Variants in ACVR1 observed in about 807,000 individuals in gnomAD.
The protein encoded by ACVR1 is activin A receptor type 1, also known as activin receptor type-1.
ACVR1 carries 38 observed loss-of-function variants against 57.1 expected under a neutral mutation model. The ratio of observed to expected loss-of-function variants is 0.67; its 90% confidence interval spans 0.51 to 0.87. The LOEUF (loss-of-function observed/expected upper bound fraction) is 0.87. Ranked by LOEUF, ACVR1 falls within the 40% of genes least tolerant of loss-of-function variation. The pLI, the probability that ACVR1 is intolerant of heterozygous loss-of-function variation, is 0.00. For synonymous variants in ACVR1, 212 were observed against 228.1 expected (o/e 0.93, Z 0.63); for missense variants, 463 against 638.2 (o/e 0.73, Z 2.96).
chr2:157,850,803 A>G (rs905310516), intron 1 of ACVR1, among the ~76,000 whole-genome samples: 1 of 152,148 alleles, frequency 6.6e-6, no homozygotes, highest in African/African-American at 2.4e-5. Flanking sequence ...CTAAAAATAC[A>G]AAAGTTAGCT....
intron 9 of ACVR1, among the ~76,000 whole-genome samples, chr2:157,755,376 A>G (rs868150529): frequency 6.6e-6 from 1 of 152,120 alleles, no homozygotes; most frequent in African/African-American, 2.4e-5. Context: ...AGACTCCTCC[A>G]AAAAGCTCCT....
rs551024803 is a variant in ACVR1, at chr2:157,739,254, TAA to T, written c.1265-686_1265-685del. Among the ~76,000 whole-genome samples the T allele has an allele frequency of 2.0e-3, 301 of 152,264 alleles. 2 individuals are homozygous for T. Among genetic ancestry groups the T allele is most frequent in the African/African-American group, 7.1e-3 (296 of 41,546 alleles). ...CATATTGAAGGCACAAAATAAAATG[TAA>T]AGAGGATAGCCATGTGGGAAGGCAG... On this transcript the variant is annotated intron_variant, in intron 9 of 10. Coordinates refer to ENST00000434821, the MANE Select transcript of ACVR1 (RefSeq NM_001111067.4).
chr2:157,769,000 G>A lies in ACVR1; in HGVS notation c.790+1368C>T, dbSNP rs186002168. On this transcript the variant is annotated intron_variant, in intron 7 of 10. Coordinates refer to ENST00000434821, the MANE Select transcript of ACVR1 (RefSeq NM_001111067.4). ...GTGTGTGGTAAGAGTTAGAGCAGAGGTACAAAGTCGGGGAATGCAGAAAAG... is the reference window on the plus strand; with the variant it reads ...GTGTGTGGTAAGAGTTAGAGCAGAGATACAAAGTCGGGGAATGCAGAAAAG... Among the ~76,000 whole-genome samples the A allele has an allele frequency of 2.8e-3, 426 of 152,256 alleles. 2 individuals carry two copies. Among genetic ancestry groups the A allele is most frequent in the Non-Finnish European group, 4.3e-3 (291 of 68,026 alleles).
chr2:157,800,046 T>C (rs1163067880), intron 2 of ACVR1, among the ~76,000 whole-genome samples: 1 of 152,130 alleles, frequency 6.6e-6, no homozygotes, highest in Non-Finnish European at 1.5e-5. Flanking sequence ...ATACAAACTT[T>C]TACCCCATCT....
At chr2:157,867,879 A>G (rs1270447851) in intron 1 of ACVR1, among the ~76,000 whole-genome samples, 4 of 152,122 alleles carry the variant, frequency 2.6e-5, no homozygotes, top group Non-Finnish European at 5.9e-5. Context: ...TCCTTCTATA[A>G]AATGGGCATT....
At chr2:157,815,667 C>A (rs1687910200) in intron 2 of ACVR1, among the ~76,000 whole-genome samples, 1 of 152,194 alleles carries the variant, frequency 6.6e-6, no homozygotes, top group South Asian at 2.1e-4. Context: ...ATTACTTCCT[C>A]TTAAAACTAA....
intron 1 of ACVR1, among the ~76,000 whole-genome samples, chr2:157,824,766 T>G (rs1454941311): frequency 6.6e-6 from 1 of 152,132 alleles, no homozygotes; most frequent in Non-Finnish European, 1.5e-5. Context: ...TCTCTTTTTT[T>G]TTTTTGAGAC....
At chr2:157,832,155 G>A (rs1389688601) in intron 1 of ACVR1, among the ~76,000 whole-genome samples, 2 of 152,026 alleles carry the variant, frequency 1.3e-5, no homozygotes, top group African/African-American at 2.4e-5. Flanking sequence ...CCCAGGCATT[G>A]GTATCTTAAG....
At chr2:157,798,217 T>C (rs1190332452) in intron 3 of ACVR1, among the ~76,000 whole-genome samples, 1 of 152,082 alleles carries the variant, frequency 6.6e-6, no homozygotes. Context: ...AAAGTATGTA[T>C]GTCTTACACT....
At chr2:157,753,515 G>A (rs1002221917) in intron 9 of ACVR1, among the ~76,000 whole-genome samples, 8 of 152,030 alleles carry the variant, frequency 5.3e-5, no homozygotes, top group Non-Finnish European at 7.4e-5. Context: ...GCGACAGAGC[G>A]AGAATCCATC....
intron 1 of ACVR1, among the ~76,000 whole-genome samples, chr2:157,823,947 C>T (rs1039037048): frequency 6.6e-6 from 1 of 152,120 alleles, no homozygotes; most frequent in Non-Finnish European, 1.5e-5. Context: ...GGGTCCCAGC[C>T]CTGGCCCATG....
At chr2:157,814,654 G>A (rs924849086) in intron 2 of ACVR1, among the ~76,000 whole-genome samples, 2 of 152,110 alleles carry the variant, frequency 1.3e-5, no homozygotes, top group East Asian at 1.9e-4. Flanking sequence ...ACACTCACAC[G>A]TTTGAAATGA....
chr2:157,743,566 C>T (rs1684856839), intron 9 of ACVR1, among the ~76,000 whole-genome samples: 1 of 151,654 alleles, frequency 6.6e-6, no homozygotes, highest in African/African-American at 2.4e-5. Flanking sequence ...GATGCATTTG[C>T]CAAATTTGGA....
At chr2:157,865,400 T>C (rs894042050) in intron 1 of ACVR1, among the ~76,000 whole-genome samples, 3 of 152,228 alleles carry the variant, frequency 2.0e-5, no homozygotes, top group Non-Finnish European at 4.4e-5. Context: ...GCACAACCTA[T>C]ACTGAAATTT....
intron 1 of ACVR1, among the ~76,000 whole-genome samples, chr2:157,862,993 G>A (rs1313188588): frequency 5.5e-5 from 8 of 144,176 alleles, no homozygotes; most frequent in South Asian, 4.4e-4. Context: ...AAACCTAACC[G>A]CTGCTGTAGA....
At chr2:157,795,973 C>A (rs1483054673) in intron 3 of ACVR1, among the ~76,000 whole-genome samples, 2 of 152,158 alleles carry the variant, frequency 1.3e-5, no homozygotes, top group African/African-American at 2.4e-5. Flanking sequence ...CCTGTAATCC[C>A]AGCACACTGG....
intron 2 of ACVR1, among the ~76,000 whole-genome samples, chr2:157,801,783 A>T (rs1687336568): frequency 6.6e-6 from 1 of 152,218 alleles, no homozygotes; most frequent in South Asian, 2.1e-4. Flanking sequence ...AGGGTGCATC[A>T]GAAAACTTTT....
intron 3 of ACVR1, 82 bp from the exon 4 acceptor site, chr2:157,780,682 A>G (rs916608008): frequency 1.3e-6 from 2 of 1,510,956 alleles, no homozygotes; most frequent in Non-Finnish European, 1.8e-6. Context: ...GGGAATGACC[A>G]TTCCAAACAC....
At chr2:157,742,167 T>C (rs1299997304) in intron 9 of ACVR1, among the ~76,000 whole-genome samples, 2 of 152,220 alleles carry the variant, frequency 1.3e-5, no homozygotes, top group African/African-American at 2.4e-5. Context: ...CAGTGCCTCA[T>C]TTCTGCCAGA....
Sources: gnomAD v4.1 joint callset for allele counts (sites outside exome capture counted in the v4.1 genomes callset) on GRCh38, gnomAD v4.1.1 for gene constraint, MANE v1.5 for transcripts, NCBI Gene and HGNC (gene_info 2026-07-23, HGNC 2026-07-21) for gene names.